REEP1: variants seen among roughly 807,000 people sequenced by gnomAD.
REEP1 encodes receptor accessory protein 1.
In REEP1, 22 loss-of-function variants were observed where a neutral mutation model predicts 40.3. The observed-to-expected ratio is 0.55, with a 90% CI of 0.39 to 0.78. The LOEUF is 0.78. REEP1 is among the 30% of genes least tolerant of loss of function. REEP1 has a pLI of 0.00. For missense variants in REEP1, 280 were observed against 361.1 expected, an observed-to-expected ratio of 0.78 and a Z score of 1.82; for synonymous variants, 116 against 139.2, an observed-to-expected ratio of 0.83 and a Z score of 1.17.
At chr2:86,238,221 T>A (rs1190907251) in intron 5 of REEP1, among the ~76,000 whole-genome samples, 1 of 152,160 alleles carries the variant, frequency 6.6e-6, no homozygotes, top group Non-Finnish European at 1.5e-5. Context: ...ACATTCTAAG[T>A]GAAAAAACAT....
At chr2:86,218,081 C>G (rs1405260796) in intron 8 of REEP1, among the ~76,000 whole-genome samples, 1 of 152,160 alleles carries the variant, frequency 6.6e-6, no homozygotes, top group Non-Finnish European at 1.5e-5. Flanking sequence ...TTCCTTCTGA[C>G]TGGAAGCCCT....
chr2:86,272,912 C>T (rs1677536494), intron 2 of REEP1, among the ~76,000 whole-genome samples: 1 of 152,108 alleles, frequency 6.6e-6, no homozygotes, highest in Non-Finnish European at 1.5e-5. Context: ...CACTTGAGCC[C>T]AGGAGTTTGA....
chr2:86,299,638 G>A (rs545434175), intron 1 of REEP1, among the ~76,000 whole-genome samples: 1 of 152,258 alleles, frequency 6.6e-6, no homozygotes, highest in African/African-American at 2.4e-5. Flanking sequence ...TTCCTTAAGA[G>A]CAAGGACAAT....
intron 2 of REEP1, among the ~76,000 whole-genome samples, chr2:86,267,010 G>A (rs1277229549): frequency 6.8e-6 from 1 of 146,734 alleles, no homozygotes; most frequent in Non-Finnish European, 1.5e-5. Context: ...CTGTCTCAGG[G>A]GAAAAAAAAA....
At chr2:86,268,694 T>A (rs939438802) in intron 2 of REEP1, among the ~76,000 whole-genome samples, 5 of 152,096 alleles carry the variant, frequency 3.3e-5, no homozygotes, top group African/African-American at 1.2e-4. Flanking sequence ...AAGAACAACA[T>A]TGAAAGACTA....
At chr2:86,235,930 T>C (rs1013549727) in intron 5 of REEP1, among the ~76,000 whole-genome samples, 3 of 152,118 alleles carry the variant, frequency 2.0e-5, no homozygotes, top group African/African-American at 4.8e-5. Context: ...AAAATCAGTA[T>C]GCCTGACCGG....
intron 1 of REEP1, among the ~76,000 whole-genome samples, chr2:86,335,991 A>T (rs1681012206): frequency 6.6e-6 from 1 of 152,036 alleles, no homozygotes; most frequent in African/African-American, 2.4e-5. Flanking sequence ...AGCAGGACCT[A>T]CAGAGAGCCC....
In REEP1 at chr2:86,337,409, GGC is replaced by G; in HGVS notation, c.32+68_32+69del. The G allele has an allele frequency of 9.1e-7, 1 of 1,093,448 alleles. No individual in the cohort carries two copies. Among genetic ancestry groups the G allele is most frequent in the Non-Finnish European group, 1.2e-6 (1 of 867,612 alleles). The allele number at this position is 1,093,448 out of a possible 1,614,324, so 67.7% of individuals were successfully genotyped here. A position where few individuals can be genotyped will look rare whatever the true frequency, so the allele number is the denominator to read the frequency against. ...AGCCACTGGGACCGGGCGCTGTAGGGGCGCGCGCAGCCCGGGGCCGGGGGCGG... is the reference window on the plus strand; with the variant it reads ...AGCCACTGGGACCGGGCGCTGTAGGGGCGCGCAGCCCGGGGCCGGGGGCGG... On this transcript the variant is annotated intron_variant, in intron 1 of 8. Transcript: ENST00000538924. The surrounding 1 kb of genome is among the most constrained non-coding windows in gnomAD (Gnocchi z 5.8).
In REEP1 at chr2:86,337,090, C is replaced by G. The variant is rs1004060115; in HGVS notation, c.32+389G>C. 1.6e-4 allele frequency: 25 copies of G among 152,676 alleles called. No individual in the cohort carries two copies. Among genetic ancestry groups the G allele is most frequent in the African/African-American group, 5.6e-4 (23 of 41,324 alleles). The allele number at this position is 152,676 out of a possible 1,614,324, so 9.5% of individuals were successfully genotyped here. Reference sequence around the variant, plus strand: ...TGGGGCGGCGGGGCGCGGCGCCGGGCGACCTCACATTTCTGCCAAAGGAGA... The same window carrying G: ...TGGGGCGGCGGGGCGCGGCGCCGGGGGACCTCACATTTCTGCCAAAGGAGA... On this transcript the variant is annotated intron_variant, in intron 1 of 8. Transcript: ENST00000538924. This position sits in a 1 kb window ranked among gnomAD's most constrained non-coding sequence, Gnocchi z 5.8.
chr2:86,229,095 G>C (rs1674875079), intron 6 of REEP1, among the ~76,000 whole-genome samples: 1 of 152,172 alleles, frequency 6.6e-6, no homozygotes, highest in Non-Finnish European at 1.5e-5. Flanking sequence ...CCTGCCACCT[G>C]TCCAGGGTTT....
chr2:86,261,941 G>A (rs1488110075), intron 3 of REEP1, among the ~76,000 whole-genome samples: 3 of 152,256 alleles, frequency 2.0e-5, no homozygotes, highest in Non-Finnish European at 4.4e-5. Context: ...AGATGTTTAT[G>A]TGTATGCATA....
intron 4 of REEP1, among the ~76,000 whole-genome samples, chr2:86,253,618 C>T (rs924619051): frequency 3.9e-5 from 6 of 152,260 alleles, no homozygotes; most frequent in South Asian, 2.1e-4. Context: ...GGAAGTAAGA[C>T]GAGTAGGGAT....
intron 1 of REEP1, among the ~76,000 whole-genome samples, chr2:86,286,162 G>T (rs190537433): frequency 5.3e-5 from 8 of 152,262 alleles, no homozygotes; most frequent in Admixed American, 2.6e-4. Flanking sequence ...TCTTCATTCA[G>T]GTTGCCTCCC....
At chr2:86,229,115 C>T (rs1674875805) in intron 6 of REEP1, among the ~76,000 whole-genome samples, 1 of 152,178 alleles carries the variant, frequency 6.6e-6, no homozygotes, top group Non-Finnish European at 1.5e-5. Flanking sequence ...TGCAAATTCT[C>T]TGGTTTGCTC....
At chr2:86,237,078 G>A (rs967876702) in intron 5 of REEP1, among the ~76,000 whole-genome samples, 1 of 152,134 alleles carries the variant, frequency 6.6e-6, no homozygotes, top group Admixed American at 6.6e-5. Flanking sequence ...CTGAAATTGG[G>A]GTGGGTCTTA....
chr2:86,262,121 C>T lies in REEP1; in HGVS notation c.182+1844G>A, dbSNP rs188136411. Among the ~76,000 whole-genome samples, 295 of 152,334 alleles carry T rather than the reference C, an allele frequency of 1.9e-3. 2 individuals carry two copies. The highest frequency in any genetic ancestry group is 6.5e-3 in the African/African-American group (269 of 41,580). ...AATACTAAGGGAACTCAGAAGCTGGCGGGATCCTCCATATGCCGAACGCTG... is the reference window on the plus strand; with the variant it reads ...AATACTAAGGGAACTCAGAAGCTGGTGGGATCCTCCATATGCCGAACGCTG... On this transcript the variant is annotated intron_variant, in intron 3 of 8. Coordinates refer to ENST00000538924, the MANE Select transcript of REEP1 (RefSeq NM_001371279.1).
intron 6 of REEP1, among the ~76,000 whole-genome samples, chr2:86,231,712 A>G (rs987019099): frequency 1.3e-5 from 2 of 149,324 alleles, no homozygotes; most frequent in African/African-American, 4.9e-5. Flanking sequence ...CCACCCCCCC[A>G]CCATCAGTCC....
chr2:86,233,312 G>A (rs1405349041), intron 5 of REEP1, among the ~76,000 whole-genome samples: 1 of 152,102 alleles, frequency 6.6e-6, no homozygotes, highest in Non-Finnish European at 1.5e-5. Flanking sequence ...CTAAATGTTT[G>A]ACAACAGAAA....
At chr2:86,313,109 T>A (rs1341951337) in intron 1 of REEP1, among the ~76,000 whole-genome samples, 1 of 152,072 alleles carries the variant, frequency 6.6e-6, no homozygotes, top group African/African-American at 2.4e-5. Context: ...TCAGAAATTA[T>A]TTTATTTTCT....
Sources: gnomAD v4.1 joint callset for allele counts (sites outside exome capture counted in the v4.1 genomes callset) on GRCh38, gnomAD v4.1.1 for gene constraint, Gnocchi (gnomAD v3.1) non-coding constraint, MANE v1.5 for transcripts, NCBI Gene and HGNC (gene_info 2026-07-23, HGNC 2026-07-21) for gene names.